ROR2: variants seen among roughly 807,000 people sequenced by gnomAD.
The protein encoded by ROR2 is ROR family WNT receptor 2.
In ROR2, 33 loss-of-function variants were observed where a neutral mutation model predicts 74.9. That is an observed-to-expected ratio of 0.44 (90% CI 0.33 to 0.59). The LOEUF is 0.59. Among genes scored for constraint, ROR2 ranks in the 20% least tolerant of loss-of-function variants. ROR2 has a pLI of 0.02. For missense variants in ROR2, 1,216 were observed against 1,313.8 expected, an observed-to-expected ratio of 0.93 and a Z score of 1.15; for synonymous variants, 586 against 558.7, an observed-to-expected ratio of 1.05 and a Z score of -0.69.
At chr9:91,827,258 A>C (rs897831262) in intron 1 of ROR2, among the ~76,000 whole-genome samples, 2 of 152,178 alleles carry the variant, frequency 1.3e-5, no homozygotes, top group African/African-American at 4.8e-5. Context: ...TTATATTATA[A>C]AAATTTTCCC....
chr9:91,808,159 G>A (rs1158426979), intron 1 of ROR2, among the ~76,000 whole-genome samples: 7 of 152,138 alleles, frequency 4.6e-5, no homozygotes, highest in African/African-American at 1.7e-4. Flanking sequence ...TATGATGACA[G>A]TAAAACACTG....
At position 91,786,524 on chromosome 9, in the gene ROR2, C is replaced by G. The variant is rs189451123; in HGVS notation, c.98-10706G>C. 1.8e-3 allele frequency among the ~76,000 whole-genome samples: 276 copies of G among 152,228 alleles called. 1 individual carries two copies. The highest frequency in any genetic ancestry group is 6.4e-3 in the African/African-American group (265 of 41,532). ...GCTGAACCTTGATAAGAAGGTGGGT[C>G]TGTGACCAGTTAACCTGGGCTACTC... On this transcript the variant is annotated intron_variant, in intron 1 of 8. Coordinates refer to ENST00000375708, the MANE Select transcript of ROR2 (RefSeq NM_004560.4).
At chr9:91,864,303 G>T (rs532916536) in intron 1 of ROR2, among the ~76,000 whole-genome samples, 12 of 152,258 alleles carry the variant, frequency 7.9e-5, no homozygotes, top group African/African-American at 2.9e-4. Context: ...CCAGAACAAG[G>T]CTTGGTTCTT....
intron 1 of ROR2, among the ~76,000 whole-genome samples, chr9:91,920,690 G>A (rs1282244182): frequency 6.6e-6 from 1 of 152,142 alleles, no homozygotes; most frequent in Non-Finnish European, 1.5e-5. Context: ...AGCAAATGAA[G>A]ATGTCTGCTC....
intron 5 of ROR2, 149 bp downstream of exon 5, chr9:91,737,241 TA>T: frequency 9.3e-7 from 1 of 1,070,180 alleles, no homozygotes. Flanking sequence ...CCACTACTTC[TA>T]AAAAAGATCT....
chr9:91,800,030 C>G (rs1408112669), intron 1 of ROR2, among the ~76,000 whole-genome samples: 1 of 152,188 alleles, frequency 6.6e-6, no homozygotes, highest in Non-Finnish European at 1.5e-5. Context: ...TCATTCATAA[C>G]TCATCAGCCT....
chr9:91,907,903 C>T (rs973089145), intron 1 of ROR2, among the ~76,000 whole-genome samples: 39 of 152,162 alleles, frequency 2.6e-4, no homozygotes, highest in African/African-American at 9.2e-4. Context: ...CACCCAGGGC[C>T]ACCCTACATG....
chr9:91,780,018 T>A (rs1189182807), intron 1 of ROR2, among the ~76,000 whole-genome samples: 1 of 152,178 alleles, frequency 6.6e-6, no homozygotes, highest in Non-Finnish European at 1.5e-5. Context: ...TCACTGTTGA[T>A]AGGGATGATG....
At chr9:91,886,715 G>A (rs1830284928) in intron 1 of ROR2, 1 of 152,260 alleles carries the variant, frequency 6.6e-6, no homozygotes, top group Non-Finnish European at 1.5e-5. Context: ...AAGAAAATCA[G>A]GTTTTTCAGC....
intron 1 of ROR2, among the ~76,000 whole-genome samples, chr9:91,814,618 A>G (rs1332494429): frequency 6.6e-6 from 1 of 152,228 alleles, no homozygotes; most frequent in Non-Finnish European, 1.5e-5. Context: ...ATTAAAGACA[A>G]AAAGTTAACC....
intron 1 of ROR2, among the ~76,000 whole-genome samples, chr9:91,824,089 T>C (rs927023787): frequency 1.3e-5 from 2 of 152,230 alleles, no homozygotes; most frequent in Non-Finnish European, 2.9e-5. Context: ...AAGAATTTCA[T>C]GTGCCGACGA....
chr9:91,849,697 CTCTT>C (rs1278495106), intron 1 of ROR2, among the ~76,000 whole-genome samples: 1 of 152,246 alleles, frequency 6.6e-6, no homozygotes, highest in African/African-American at 2.4e-5. Flanking sequence ...ATACACTCCT[CTCTT>C]TGAGTCACAC....
At chr9:91,892,101 C>T (rs1158409027) in intron 1 of ROR2, among the ~76,000 whole-genome samples, 2 of 150,644 alleles carry the variant, frequency 1.3e-5, no homozygotes, top group African/African-American at 2.4e-5. Context: ...ATCCTTCTCA[C>T]AGTTTCAATC....
chr9:91,794,354 A>G (rs1827101709), intron 1 of ROR2, among the ~76,000 whole-genome samples: 1 of 152,204 alleles, frequency 6.6e-6, no homozygotes, highest in Non-Finnish European at 1.5e-5. Context: ...CTGGGCTTGC[A>G]GCTTGAAGTA....
rs1448987865 is a variant in ROR2 at position 91,722,676 on chromosome 9, C to CGGCT, written c.*982_*985dup. On this transcript the variant is annotated 3_prime_UTR_variant, in exon 9 of 9. Transcript: ENST00000375708. ...ACCAACAATGTGTGCGGGGCACAGA[C>CGGCT]GGCTGCCTGTGGGTCTGTGTGTAAC... 3.9e-6 allele frequency: 3 copies of CGGCT among 773,982 alleles called. No individual in the cohort carries two copies. Among genetic ancestry groups the CGGCT allele is most frequent in the Admixed American group, 1.7e-5 (1 of 58,688 alleles). 47.9% of individuals were successfully genotyped at this position (773,982 alleles called of 1,614,324 possible).
chr9:91,937,396 G>A (rs1372156169), intron 1 of ROR2, among the ~76,000 whole-genome samples: 2 of 151,990 alleles, frequency 1.3e-5, no homozygotes, highest in East Asian at 1.9e-4. Context: ...TGACAACTCC[G>A]AACTCCCATT....
chr9:91,945,004 A>C (rs986908023), intron 1 of ROR2, among the ~76,000 whole-genome samples: 1 of 151,694 alleles, frequency 6.6e-6, no homozygotes, highest in Admixed American at 6.6e-5. Flanking sequence ...TTAGCCCAGG[A>C]GGTTAAGGCC....
intron 1 of ROR2, among the ~76,000 whole-genome samples, chr9:91,897,336 T>C (rs772037298): frequency 1.8e-4 from 27 of 152,250 alleles, no homozygotes. Flanking sequence ...AGGGAAGACA[T>C]GCCTATCCCA....
chr9:91,888,353 T>C (rs903473529), intron 1 of ROR2, among the ~76,000 whole-genome samples: 2 of 152,204 alleles, frequency 1.3e-5, no homozygotes, highest in Non-Finnish European at 2.9e-5. Context: ...CAAACACCAC[T>C]GCTCAATGGG....
Sources: allele counts gnomAD v4.1 joint callset (sites outside exome capture counted in the v4.1 genomes callset), GRCh38; gene constraint gnomAD v4.1.1; transcripts MANE v1.5; gene names NCBI Gene and HGNC (gene_info 2026-07-23, HGNC 2026-07-21).